GRK5: variants seen among roughly 807,000 people sequenced by gnomAD.
The protein encoded by GRK5 is G protein-coupled receptor kinase 5, also known as g protein-coupled receptor kinase GRK5.
A neutral mutation model predicts 78.4 loss-of-function variants in GRK5; 40 were observed. That is an observed-to-expected ratio of 0.51 (90% CI 0.40 to 0.66). The LOEUF (loss-of-function observed/expected upper bound fraction) is 0.66, where lower values mean the gene tolerates loss of function less well. Among genes scored for constraint, GRK5 ranks in the 30% least tolerant of loss-of-function variants. The pLI is 0.00. For missense variants in GRK5, 598 were observed against 759.9 expected (o/e 0.79, Z 2.50); for synonymous variants, 289 against 296.8 (o/e 0.97, Z 0.27).
intron 1 of GRK5, among the ~76,000 whole-genome samples, chr10:119,303,241 C>T (rs1329241830): frequency 1.3e-5 from 2 of 152,224 alleles, no homozygotes; most frequent in African/African-American, 4.8e-5. Flanking sequence ...ACGATCTATA[C>T]ATGTGTAAAC....
At chr10:119,270,988 G>A (rs1009583351) in intron 1 of GRK5, among the ~76,000 whole-genome samples, 60 of 152,232 alleles carry the variant, frequency 3.9e-4, no homozygotes, top group African/African-American at 1.3e-3. Context: ...AGGCTGAAGC[G>A]ATAGGATGAA....
intron 2 of GRK5, among the ~76,000 whole-genome samples, chr10:119,363,603 G>C (rs970629346): frequency 6.6e-6 from 1 of 152,202 alleles, no homozygotes; most frequent in Admixed American, 6.5e-5. Context: ...TGGTCACCCA[G>C]TTCCCAGTCT....
rs144077020 is a variant in GRK5, at chr10:119,213,950, G to A, written c.52+5981G>A. Among the ~76,000 whole-genome samples, 450 of 140,676 alleles carry A rather than the reference G, an allele frequency of 3.2e-3. 3 individuals are homozygous for A. The highest frequency in any genetic ancestry group is 0.019 in the South Asian group (83 of 4,402). 92.3% of individuals were successfully genotyped at this position (140,676 alleles called of 152,430 possible). On this transcript the variant is annotated intron_variant, in intron 1 of 15. Transcript: ENST00000392870. ...TGAAAAGATGCAATTGGGCACTGCC[G>A]TTCTCTTTTTACATGTTTTTTTGTT...
At chr10:119,249,440 G>T (rs536394998) in intron 1 of GRK5, among the ~76,000 whole-genome samples, 1 of 152,154 alleles carries the variant, frequency 6.6e-6, no homozygotes, top group Non-Finnish European at 1.5e-5. Context: ...GACACACCAG[G>T]TATATCATGT....
At chr10:119,273,726 G>A (rs1038009320) in intron 1 of GRK5, among the ~76,000 whole-genome samples, 3 of 152,110 alleles carry the variant, frequency 2.0e-5, no homozygotes, top group African/African-American at 4.8e-5. Context: ...TTTCAGTGCC[G>A]TCACTATTAT....
At chr10:119,349,495 G>T (rs1443641741) in intron 2 of GRK5, among the ~76,000 whole-genome samples, 6 of 152,202 alleles carry the variant, frequency 3.9e-5, no homozygotes, top group Non-Finnish European at 7.3e-5. Context: ...CGCCTGTACT[G>T]TGGGACAAAT....
At chr10:119,235,967 G>T (rs1401837655) in intron 1 of GRK5, among the ~76,000 whole-genome samples, 1 of 152,182 alleles carries the variant, frequency 6.6e-6, no homozygotes, top group Non-Finnish European at 1.5e-5. Flanking sequence ...CCTGGGTGGA[G>T]CCTCTCTTGG....
intron 1 of GRK5, among the ~76,000 whole-genome samples, chr10:119,208,803 G>GA (rs1261295588): frequency 4.6e-5 from 7 of 151,498 alleles, no homozygotes; most frequent in African/African-American, 9.7e-5. Context: ...ATGAAAAACA[G>GA]AAAAAAGGGG....
chr10:119,352,410 C>T (rs1296791012), intron 2 of GRK5, among the ~76,000 whole-genome samples: 1 of 152,234 alleles, frequency 6.6e-6, no homozygotes, highest in East Asian at 1.9e-4. Flanking sequence ...TCTTGCATCT[C>T]ATTGGCTGGC....
intron 1 of GRK5, among the ~76,000 whole-genome samples, chr10:119,288,848 C>T (rs190291460): frequency 6.6e-6 from 1 of 152,198 alleles, no homozygotes; most frequent in African/African-American, 2.4e-5. Flanking sequence ...GAGGCGAATG[C>T]GGAACATGGT....
At chr10:119,385,118 G>T (rs1008729321) in intron 3 of GRK5, among the ~76,000 whole-genome samples, 4 of 152,048 alleles carry the variant, frequency 2.6e-5, no homozygotes, top group African/African-American at 9.7e-5. Flanking sequence ...TTGGAGGGGA[G>T]GGAGGAGGGG....
At chr10:119,367,402 G>A (rs2133816562) in intron 2 of GRK5, among the ~76,000 whole-genome samples, 1 of 152,270 alleles carries the variant, frequency 6.6e-6, no homozygotes, top group Non-Finnish European at 1.5e-5. Context: ...GGGCCAAGCT[G>A]AGCAAAGATG....
At chr10:119,453,737 C>T (rs1417170029) in intron 15 of GRK5, among the ~76,000 whole-genome samples, 1 of 152,212 alleles carries the variant, frequency 6.6e-6, no homozygotes, top group African/African-American at 2.4e-5. Context: ...TACGAAGCCT[C>T]AGTCATATAA....
chr10:119,302,260 C>T (rs191653032), intron 1 of GRK5, among the ~76,000 whole-genome samples: 1 of 152,334 alleles, frequency 6.6e-6, no homozygotes, highest in Admixed American at 6.5e-5. Context: ...AGCTTGTTAG[C>T]AGAGTCCTCA....
intron 10 of GRK5, among the ~76,000 whole-genome samples, chr10:119,440,937 C>T (rs1461693726): frequency 6.6e-6 from 1 of 152,210 alleles, no homozygotes; most frequent in African/African-American, 2.4e-5. Context: ...AAAACTGAGC[C>T]TCAGGGGAGC....
chr10:119,256,364 T>C (rs915606764), intron 1 of GRK5, among the ~76,000 whole-genome samples: 16 of 152,144 alleles, frequency 1.1e-4, no homozygotes, highest in African/African-American at 3.9e-4. Flanking sequence ...CTGGCTCCGG[T>C]AGTCGCCAGC....
intron 4 of GRK5, among the ~76,000 whole-genome samples, chr10:119,414,879 T>G (rs1390083962): frequency 6.6e-6 from 1 of 151,778 alleles, no homozygotes; most frequent in African/African-American, 2.4e-5. Context: ...GCCAGGAGTT[T>G]GAGACCAGCC....
intron 2 of GRK5, among the ~76,000 whole-genome samples, chr10:119,371,495 G>A (rs1027072334): frequency 2.0e-5 from 3 of 152,330 alleles, no homozygotes; most frequent in South Asian, 4.1e-4. Context: ...TTCTCAGTCC[G>A]CTGGGGGTAT....
At chr10:119,393,972 GGT>G (rs2133845999) in intron 3 of GRK5, among the ~76,000 whole-genome samples, 1 of 144,770 alleles carries the variant, frequency 6.9e-6, no homozygotes, top group East Asian at 2.1e-4. Context: ...TCTGTGTGTA[GGT>G]GTGTGTGGGT....
Sources: gnomAD v4.1 joint callset for allele counts (sites outside exome capture counted in the v4.1 genomes callset) on GRCh38, gnomAD v4.1.1 for gene constraint, MANE v1.5 for transcripts, NCBI Gene and HGNC (gene_info 2026-07-23, HGNC 2026-07-21) for gene names.